The following CHRM5 variants were observed in gnomAD, a reference collection of about 807,000 sequenced individuals.
The protein encoded by CHRM5 is muscarinic acetylcholine receptor M5.
A neutral mutation model predicts 39.0 loss-of-function variants in CHRM5; 18 were observed. The ratio of observed to expected loss-of-function variants is 0.46; its 90% CI spans 0.32 to 0.68. The LOEUF is 0.68. Ranked by LOEUF, CHRM5 falls within the 30% of genes least tolerant of loss-of-function variation. The probability of loss-of-function intolerance (pLI) is 0.04; values close to 1 mark genes in which losing one functional copy is unlikely to be tolerated. For missense variants in CHRM5, 515 were observed against 651.1 expected, an observed-to-expected ratio of 0.79 and a Z score of 2.28; for synonymous variants, 241 against 246.3, an observed-to-expected ratio of 0.98 and a Z score of 0.20.
At chr15:33,984,302 AAT>A (rs1402216864) in intron 1 of CHRM5, among the ~76,000 whole-genome samples, 1 of 152,112 alleles carries the variant, frequency 6.6e-6, no homozygotes, top group Non-Finnish European at 1.5e-5. Context: ...AAGTTTACAA[AAT>A]AAGTAATTGG....
chr15:34,062,709 T>G lies in CHRM5; in HGVS notation c.-9T>G, dbSNP rs746317478. On this transcript the variant is annotated 5_prime_UTR_variant, in exon 3 of 3. Transcript: ENST00000383263. ...CTAACACTATTTACTGTAAAATTTT[T>G]GCACCAGGATGGAAGGGGATTCTTA... 2 of 1,596,354 alleles carry G rather than the reference T, an allele frequency of 1.3e-6. No homozygotes were observed. The highest frequency in any genetic ancestry group is 2.7e-5 in the African/African-American group (2 of 74,700).
At chr15:34,035,690 A>G (rs1330657075) in intron 1 of CHRM5, among the ~76,000 whole-genome samples, 1 of 152,202 alleles carries the variant, frequency 6.6e-6, no homozygotes, top group Non-Finnish European at 1.5e-5. Flanking sequence ...TCCAAAGACT[A>G]CCAGCTGGCC....
chr15:33,990,385 A>G (rs1400822646), intron 1 of CHRM5, among the ~76,000 whole-genome samples: 1 of 152,154 alleles, frequency 6.6e-6, no homozygotes, highest in Non-Finnish European at 1.5e-5. Flanking sequence ...CTGTCTGAAA[A>G]AAAAAAGAAA....
chr15:34,040,921 C>T (rs141185266), intron 1 of CHRM5, among the ~76,000 whole-genome samples: 1 of 150,916 alleles, frequency 6.6e-6, no homozygotes, highest in South Asian at 2.1e-4. Flanking sequence ...AAGATTTCAA[C>T]ATGAATTTTG....
intron 1 of CHRM5, among the ~76,000 whole-genome samples, chr15:34,011,448 CTT>C (rs1897634470): frequency 6.6e-6 from 1 of 152,118 alleles, no homozygotes; most frequent in South Asian, 2.1e-4. Context: ...TGAATTATCT[CTT>C]GATCCCAGAA....
chr15:33,992,038 C>A (rs1896745134), intron 1 of CHRM5: 1 of 152,238 alleles, frequency 6.6e-6, no homozygotes, highest in Non-Finnish European at 1.5e-5. Context: ...CAAAATGGCG[C>A]TGGAGACTAG....
chr15:34,057,941 T>C (rs1324765359), intron 2 of CHRM5, among the ~76,000 whole-genome samples: 1 of 152,216 alleles, frequency 6.6e-6, no homozygotes, highest in Non-Finnish European at 1.5e-5. Flanking sequence ...GCTTATTCCA[T>C]TTATCAGAGA....
chr15:34,039,711 T>C (rs1899384941), intron 1 of CHRM5, among the ~76,000 whole-genome samples: 1 of 152,232 alleles, frequency 6.6e-6, no homozygotes, highest in African/African-American at 2.4e-5. Flanking sequence ...GCAGAATTTC[T>C]GTAGAAATGA....
chr15:34,052,655 T>C (rs1389398442), intron 2 of CHRM5, among the ~76,000 whole-genome samples: 1 of 152,222 alleles, frequency 6.6e-6, no homozygotes, highest in Non-Finnish European at 1.5e-5. Context: ...AGTCTCAGGA[T>C]GCAAAATCAA....
Position 34,064,483 on chromosome 15 carries a change from C to A in CHRM5, c.*167C>A. On this transcript the variant is annotated 3_prime_UTR_variant, in exon 3 of 3. Transcript: ENST00000383263. ...GGTTGCCAAATGGAAGGGGCCATAG[C>A]TGCAGCAATTGCTGACATATTAAAT... 2.6e-6 allele frequency: 2 copies of A among 762,284 alleles called. No homozygotes were observed. The highest frequency in any genetic ancestry group is 2.1e-6 in the Non-Finnish European group (1 of 474,430). 47.2% of individuals were successfully genotyped at this position (762,284 alleles called of 1,614,324 possible).
At chr15:33,997,062 A>C (rs1467920305) in intron 1 of CHRM5, among the ~76,000 whole-genome samples, 1 of 152,252 alleles carries the variant, frequency 6.6e-6, no homozygotes, top group Non-Finnish European at 1.5e-5. Flanking sequence ...GCAAACAATA[A>C]AATGTAACAT....
At chr15:33,989,792 C>T (rs1488488842) in intron 1 of CHRM5, among the ~76,000 whole-genome samples, 3 of 151,872 alleles carry the variant, frequency 2.0e-5, no homozygotes, top group Non-Finnish European at 2.9e-5. Context: ...TGCTCTCCTT[C>T]CCAAAACCCA....
intron 2 of CHRM5, among the ~76,000 whole-genome samples, chr15:34,057,116 C>T (rs987790830): frequency 1.4e-5 from 2 of 148,024 alleles, no homozygotes; most frequent in African/African-American, 2.5e-5. Context: ...TCATTCCTAC[C>T]AGGAGAAGAG....
At chr15:34,004,308 G>A (rs1897248234) in intron 1 of CHRM5, among the ~76,000 whole-genome samples, 2 of 152,008 alleles carry the variant, frequency 1.3e-5, no homozygotes, top group African/African-American at 4.8e-5. Context: ...AGAGCATGCA[G>A]AAAGATGCAC....
intron 1 of CHRM5, among the ~76,000 whole-genome samples, chr15:33,980,423 C>T (rs554542): frequency 0.81 from 123,697 of 152,188 alleles, 55,065 homozygotes; most frequent in Non-Finnish European, 0.98. Context: ...GTTATAGTAC[C>T]GTCCCACACA....
chr15:34,042,158 C>A (rs866140358), intron 1 of CHRM5, among the ~76,000 whole-genome samples: 2 of 152,178 alleles, frequency 1.3e-5, no homozygotes, highest in African/African-American at 2.4e-5. Flanking sequence ...GCATTTTGAG[C>A]AACCAGAGAC....
intron 1 of CHRM5, among the ~76,000 whole-genome samples, chr15:34,029,528 A>G (rs906181025): frequency 6.7e-6 from 1 of 149,472 alleles, no homozygotes; most frequent in Non-Finnish European, 1.5e-5. Context: ...AAAAAAAAAA[A>G]AAAAAAAAAA....
intron 1 of CHRM5, among the ~76,000 whole-genome samples, chr15:33,988,525 G>C (rs1896579841): frequency 6.6e-6 from 1 of 152,148 alleles, no homozygotes; most frequent in Admixed American, 6.5e-5. Context: ...CCTGCAACTG[G>C]TAGGTTTCAG....
At chr15:34,018,738 G>C (rs565747865) in intron 1 of CHRM5, among the ~76,000 whole-genome samples, 1 of 152,186 alleles carries the variant, frequency 6.6e-6, no homozygotes, top group Admixed American at 6.5e-5. Context: ...CCCTGCCCAC[G>C]TCCTACTGAT....
Sources: gnomAD v4.1 joint callset for allele counts (sites outside exome capture counted in the v4.1 genomes callset) on GRCh38, gnomAD v4.1.1 for gene constraint, MANE v1.5 for transcripts, NCBI Gene and HGNC (gene_info 2026-07-23, HGNC 2026-07-21) for gene names.